CRACD: variants seen among roughly 807,000 people sequenced by gnomAD.
The protein encoded by CRACD is capping protein inhibiting regulator of actin dynamics.
In CRACD, 56 loss-of-function variants were observed where a neutral mutation model predicts 106.8. The ratio of observed to expected loss-of-function variants is 0.52; its 90% confidence interval spans 0.42 to 0.66. The LOEUF (loss-of-function observed/expected upper bound fraction) is 0.66. Among genes scored for constraint, CRACD ranks in the 30% least tolerant of loss-of-function variants. The pLI, the probability that CRACD is intolerant of heterozygous loss-of-function variation, is 0.00. For missense variants in CRACD, 1,730 were observed against 1,623.2 expected, an observed-to-expected ratio of 1.07 and a Z score of -1.13; for synonymous variants, 754 against 670.8, an observed-to-expected ratio of 1.12 and a Z score of -1.92.
At chr4:56,198,720 C>T (rs1376736430) in intron 2 of CRACD, among the ~76,000 whole-genome samples, 1 of 152,058 alleles carries the variant, frequency 6.6e-6, no homozygotes, top group Admixed American at 6.5e-5. Context: ...GTCCCTTCCT[C>T]ACGCTGACTG....
At chr4:56,213,003 G>GGC (rs35486888) in intron 2 of CRACD, among the ~76,000 whole-genome samples, 18,989 of 150,202 alleles carry the variant, frequency 0.13, 1,665 homozygotes, top group African/African-American at 0.26. Flanking sequence ...AGCTTACCGT[G>GGC]CCCCAGTTGC....
At position 56,315,136 on chromosome 4, in the gene CRACD, G is replaced by C; in HGVS notation, c.1634G>C (p.Gly545Ala). 16 of 1,609,152 alleles carry C rather than the reference G, an allele frequency of 9.9e-6. No individual in the cohort carries two copies. The highest frequency in any genetic ancestry group is 1.3e-5 in the Non-Finnish European group (15 of 1,178,338). The change falls in exon 8 of 11, where the codon GGG becomes GCG. Residue 545 changes from glycine (G) to alanine (A), a missense_variant. Gly to Ala is a moderately conservative substitution (Grantham distance 60). Transcript: ENST00000682029. This position sits in a 1 kb window ranked among gnomAD's most constrained non-coding sequence, Gnocchi z 4.1. ...TACACGTTCCAGGTGTCCTCCGGAG[G>C]GAAGCAGATTCTCTTTCCCAAAGTC... is the stretch of plus-strand genomic sequence containing the variant. ...RPYTFQVSSG[G>A]KQILFPKVNL... is the part of the protein sequence containing the mutation.
At chr4:56,081,441 T>C (rs1300905850) in intron 1 of CRACD, among the ~76,000 whole-genome samples, 1 of 152,146 alleles carries the variant, frequency 6.6e-6, no homozygotes, top group Non-Finnish European at 1.5e-5. Flanking sequence ...TTGTGGTTGG[T>C]GGTGATGTCA....
chr4:56,054,078 G>A, intron 1 of CRACD, among the ~76,000 whole-genome samples: 1 of 152,148 alleles, frequency 6.6e-6, no homozygotes, highest in East Asian at 1.9e-4. Context: ...TGAGCATCAG[G>A]ACATGGCCCA....
chr4:56,315,083 G>A lies in CRACD; in HGVS notation c.1581G>A (p.Val527=), dbSNP rs767345909. The change falls in exon 8 of 11, where the codon GTG becomes GTA. Residue 527 remains valine (V), a synonymous_variant. Coordinates refer to ENST00000682029, the MANE Select transcript of CRACD (RefSeq NM_001393381.1). The surrounding 1 kb of genome is among the most constrained non-coding windows in gnomAD (Gnocchi z 4.1). The part of the protein sequence containing the change: ...RKVEELRWQE[V]DERQTMPRPY... The stretch of plus-strand genomic sequence containing the variant: ...TGGAGGAGCTGCGGTGGCAGGAGGT[G>A]GACGAGAGACAGACCATGCCCCGGC... 92 of 1,610,720 alleles carry A rather than the reference G, an allele frequency of 5.7e-5. No individual in the cohort carries two copies. Among genetic ancestry groups the A allele is most frequent in the Non-Finnish European group, 7.4e-5 (87 of 1,179,202 alleles).
chr4:56,240,439 G>A (rs990360192), intron 2 of CRACD, among the ~76,000 whole-genome samples: 1 of 152,080 alleles, frequency 6.6e-6, no homozygotes. Context: ...GGCATTAGGA[G>A]GGCATCACAA....
intron 3 of CRACD, among the ~76,000 whole-genome samples, chr4:56,295,373 C>T (rs1424666699): frequency 6.6e-6 from 1 of 151,966 alleles, no homozygotes; most frequent in African/African-American, 2.4e-5. Flanking sequence ...ACCACTGTGA[C>T]CACCACTATT....
intron 2 of CRACD, among the ~76,000 whole-genome samples, chr4:56,268,606 G>A (rs1217402387): frequency 2.0e-5 from 3 of 152,204 alleles, no homozygotes; most frequent in African/African-American, 7.2e-5. Context: ...ACCACTTACT[G>A]TGATGCTGCC....
intron 1 of CRACD, among the ~76,000 whole-genome samples, chr4:56,152,013 CTTT>C (rs562674319): frequency 1.5e-5 from 2 of 137,808 alleles, no homozygotes. Context: ...ATAGTTTTTT[CTTT>C]TTTTTTTTTT....
chr4:56,287,726 CGTT>C (rs997432135), intron 3 of CRACD, among the ~76,000 whole-genome samples: 4 of 151,974 alleles, frequency 2.6e-5, no homozygotes, highest in African/African-American at 9.7e-5. Flanking sequence ...GCCCTAAAGT[CGTT>C]GTTTGGAGCC....
intron 1 of CRACD, among the ~76,000 whole-genome samples, chr4:56,149,875 C>T (rs1418360481): frequency 6.6e-6 from 1 of 152,110 alleles, no homozygotes; most frequent in Non-Finnish European, 1.5e-5. Flanking sequence ...TGAGTGTTTT[C>T]CTAGTTCTGA....
intron 2 of CRACD, among the ~76,000 whole-genome samples, chr4:56,189,545 C>T (rs1380727458): frequency 1.1e-5 from 1 of 92,990 alleles, no homozygotes; most frequent in East Asian, 4.1e-4. Flanking sequence ...CTATCCCTCC[C>T]CCCTCCCCCC....
At chr4:56,171,753 A>G (rs1577709694) in intron 1 of CRACD, among the ~76,000 whole-genome samples, 1 of 152,288 alleles carries the variant, frequency 6.6e-6, no homozygotes, top group East Asian at 1.9e-4. Context: ...AATAGTAGAA[A>G]ATTATAAGAT....
rs1165926419 is a variant in CRACD at position 56,310,794 on chromosome 4, C to CA, written c.354+60_354+61insA. ...TCCTTACTTAACTTTCATCTTCCCC[C>CA]CCCCTTTTTTTTTTTTGCGACCTGC... On this transcript the variant is annotated intron_variant, in intron 6 of 10. Coordinates refer to ENST00000682029, the MANE Select transcript of CRACD (RefSeq NM_001393381.1). The CA allele has an allele frequency of 2.1e-3, 1,991 of 959,932 alleles. 17 individuals are homozygous for CA. Among genetic ancestry groups the CA allele is most frequent in the Non-Finnish European group, 2.0e-3 (1,284 of 633,536 alleles). The allele number at this position is 959,932 out of a possible 1,614,324, so 59.5% of individuals were successfully genotyped here. A position where few individuals can be genotyped will look rare whatever the true frequency, so the allele number is the denominator to read the frequency against.
At chr4:56,228,590 C>T (rs747710043) in intron 2 of CRACD, among the ~76,000 whole-genome samples, 4 of 133,378 alleles carry the variant, frequency 3.0e-5, no homozygotes, top group Admixed American at 8.5e-5. Flanking sequence ...GTTAACATAA[C>T]GAGACACCAT....
At chr4:56,095,511 G>T (rs552844796) in intron 1 of CRACD, among the ~76,000 whole-genome samples, 21 of 152,154 alleles carry the variant, frequency 1.4e-4, no homozygotes, top group Non-Finnish European at 2.8e-4. Flanking sequence ...AATCGAGGTG[G>T]TAGCACGCGG....
At chr4:56,209,830 C>T (rs1577742271) in intron 2 of CRACD, among the ~76,000 whole-genome samples, 1 of 152,254 alleles carries the variant, frequency 6.6e-6, no homozygotes, top group Admixed American at 6.5e-5. Flanking sequence ...CAGGTACCCT[C>T]CCTAATGTCT....
Position 56,315,120 on chromosome 4 carries a change from C to T in CRACD, c.1618C>T (p.Gln540Ter). The T allele has an allele frequency of 6.2e-7, 1 of 1,610,578 alleles. No individual in the cohort carries two copies. The highest frequency in any genetic ancestry group is 8.5e-7 in the Non-Finnish European group (1 of 1,178,972). ...RQTMPRPYTF[Q>*]VSSGGKQILF... Reference sequence around the variant, plus strand: ...GACCATGCCCCGGCCCTACACGTTCCAGGTGTCCTCCGGAGGGAAGCAGAT... The same window carrying T: ...GACCATGCCCCGGCCCTACACGTTCTAGGTGTCCTCCGGAGGGAAGCAGAT... The change falls in exon 8 of 11, where the codon CAG becomes TAG. Residue 540 changes from glutamine to a stop codon, truncating the protein, a stop_gained. Transcript: ENST00000682029. LOFTEE classifies it high-confidence loss of function. The surrounding 1 kb of genome is among the most constrained non-coding windows in gnomAD (Gnocchi z 4.1).
At chr4:56,287,654 T>A (rs1056095235) in intron 3 of CRACD, among the ~76,000 whole-genome samples, 1 of 152,170 alleles carries the variant, frequency 6.6e-6, no homozygotes, top group African/African-American at 2.4e-5. Flanking sequence ...CTTGAACTCC[T>A]GGGTTCAAAC....
Sources: gnomAD v4.1 joint callset for allele counts (sites outside exome capture counted in the v4.1 genomes callset) on GRCh38, gnomAD v4.1.1 for gene constraint, Gnocchi (gnomAD v3.1) non-coding constraint, MANE v1.5 for transcripts, NCBI Gene and HGNC (gene_info 2026-07-23, HGNC 2026-07-21) for gene names.